Variants in CELF4 observed in about 807,000 individuals in gnomAD.
CELF4 encodes CUG-BP- and ETR-3-like factor 4.
A neutral mutation model predicts 59.9 loss-of-function variants in CELF4; 18 were observed. The ratio of observed to expected loss-of-function variants is 0.30; its 90% CI spans 0.21 to 0.45. CELF4 has a LOEUF of 0.45. Among genes scored for constraint, CELF4 ranks in the 20% least tolerant of loss-of-function variants. The pLI, the probability that CELF4 is intolerant of heterozygous loss-of-function variation, is 1.00. For missense variants in CELF4, 456 were observed against 689.0 expected (o/e 0.66, Z 3.79); for synonymous variants, 261 against 267.1 (o/e 0.98, Z 0.22).
chr18:37,521,281 C>T (rs963733181), intron 1 of CELF4, among the ~76,000 whole-genome samples: 10 of 152,100 alleles, frequency 6.6e-5, no homozygotes, highest in African/African-American at 1.7e-4. Flanking sequence ...GTTTCAGGCA[C>T]GAACACAAAT....
chr18:37,470,891 A>ATGTGT (rs1491153845), intron 2 of CELF4, among the ~76,000 whole-genome samples: 88 of 25,942 alleles, frequency 3.4e-3, no homozygotes, highest in African/African-American at 0.01. Context: ...TGTGTGTGAC[A>ATGTGT]GAGAGAGAGA....
intron 2 of CELF4, among the ~76,000 whole-genome samples, chr18:37,327,193 A>G (rs1318150013): frequency 3.3e-5 from 5 of 152,000 alleles, no homozygotes; most frequent in African/African-American, 4.8e-5. Context: ...CTCCTCTTGC[A>G]TCTGGTTCTG....
At chr18:37,348,537 A>G (rs1002491880) in intron 2 of CELF4, among the ~76,000 whole-genome samples, 2 of 151,576 alleles carry the variant, frequency 1.3e-5, no homozygotes, top group Non-Finnish European at 2.9e-5. Context: ...GGGATCTTCC[A>G]TTTTCTATCT....
chr18:37,468,769 GGA>G (rs772782205), intron 2 of CELF4, among the ~76,000 whole-genome samples: 16 of 152,064 alleles, frequency 1.1e-4, no homozygotes, highest in Non-Finnish European at 2.1e-4. Flanking sequence ...TGGCAGCAGG[GGA>G]GAGAGAGCGA....
intron 2 of CELF4, among the ~76,000 whole-genome samples, chr18:37,420,140 C>T (rs1265266291): frequency 6.6e-6 from 1 of 152,144 alleles, no homozygotes; most frequent in Non-Finnish European, 1.5e-5. Flanking sequence ...GAACCTTGAC[C>T]CTCAAAATAG....
At chr18:37,475,537 G>T (rs2099846385) in intron 2 of CELF4, among the ~76,000 whole-genome samples, 1 of 152,220 alleles carries the variant, frequency 6.6e-6, no homozygotes, top group African/African-American at 2.4e-5. Flanking sequence ...CACAGAGGAA[G>T]GGAGCTTGGG....
At position 37,243,193 on chromosome 18, in the gene CELF4, T is replaced by C. The variant is rs1029785871; in HGVS notation, c.*2049A>G. On this transcript the variant is annotated 3_prime_UTR_variant, in exon 13 of 13. Coordinates refer to ENST00000420428, the MANE Select transcript of CELF4 (RefSeq NM_020180.4). Reference sequence around the variant, plus strand: ...TTTTTTTTTTCTTTTTTTCTTTTTTTTTTTTTTTTTTTTACATCTGGACAT... The same window carrying C: ...TTTTTTTTTTCTTTTTTTCTTTTTTCTTTTTTTTTTTTTACATCTGGACAT... The C allele has an allele frequency of 4.1e-5, 6 of 147,456 alleles. No individual in the cohort carries two copies. Among genetic ancestry groups the C allele is most frequent in the Non-Finnish European group, 6.0e-5 (4 of 66,824 alleles). The allele number at this position is 147,456 out of a possible 1,614,324, so 9.1% of individuals were successfully genotyped here.
chr18:37,434,236 C>A (rs897732165), intron 2 of CELF4, among the ~76,000 whole-genome samples: 1 of 152,156 alleles, frequency 6.6e-6, no homozygotes, highest in Non-Finnish European at 1.5e-5. Flanking sequence ...GATTAGCTGC[C>A]CAATGAGGAG....
chr18:37,392,818 C>T (rs917661734), intron 2 of CELF4, among the ~76,000 whole-genome samples: 3 of 152,214 alleles, frequency 2.0e-5, no homozygotes, highest in Non-Finnish European at 4.4e-5. Context: ...TAGGGGCTTC[C>T]CTGACACCAC....
intron 1 of CELF4, among the ~76,000 whole-genome samples, chr18:37,493,132 A>G (rs1334995287): frequency 6.6e-6 from 1 of 152,174 alleles, no homozygotes; most frequent in African/African-American, 2.4e-5. Flanking sequence ...CCCACATAAT[A>G]AATTTCTGAC....
At chr18:37,504,473 AG>A (rs1331203585) in intron 1 of CELF4, among the ~76,000 whole-genome samples, 1 of 147,686 alleles carries the variant, frequency 6.8e-6, no homozygotes, top group Non-Finnish European at 1.5e-5. Flanking sequence ...AAAAAAAAAA[AG>A]GATGGGGCTT....
At chr18:37,380,792 AATCCATCCATCC>A (rs56181705) in intron 2 of CELF4, among the ~76,000 whole-genome samples, 14 of 134,758 alleles carry the variant, frequency 1.0e-4, no homozygotes, top group Admixed American at 2.9e-4. Flanking sequence ...TTTCTCCATG[AATCCATCCATCC>A]ATCCATCCAT....
intron 2 of CELF4, among the ~76,000 whole-genome samples, chr18:37,375,771 A>G (rs372311941): frequency 9.5e-4 from 144 of 151,740 alleles, no homozygotes; most frequent in African/African-American, 2.9e-3. Flanking sequence ...CCTACAGCCA[A>G]CTCCTTTAGG....
intron 1 of CELF4, among the ~76,000 whole-genome samples, chr18:37,561,272 G>C (rs2099986451): frequency 6.6e-6 from 1 of 152,188 alleles, no homozygotes; most frequent in South Asian, 2.1e-4. Flanking sequence ...GATCTGTTCT[G>C]ACTGGATAAC....
intron 2 of CELF4, among the ~76,000 whole-genome samples, chr18:37,427,038 G>GT (rs1491177075): frequency 1.7e-4 from 2 of 12,020 alleles, no homozygotes; most frequent in Non-Finnish European, 5.0e-4. Context: ...GCAGGGACAC[G>GT]GGGGGGGGGG....
intron 2 of CELF4, among the ~76,000 whole-genome samples, chr18:37,365,724 G>C (rs1304013970): frequency 2.0e-5 from 3 of 152,074 alleles, no homozygotes; most frequent in Non-Finnish European, 2.9e-5. Flanking sequence ...GACCTCAGGT[G>C]ATCCGCCCGC....
chr18:37,354,991 G>T (rs1375460234), intron 2 of CELF4, among the ~76,000 whole-genome samples: 1 of 152,218 alleles, frequency 6.6e-6, no homozygotes, highest in Non-Finnish European at 1.5e-5. Context: ...TGAGAGCAGG[G>T]CTCTGAGGGT....
rs1229773850 is a variant in CELF4, at chr18:37,504,772, C to T, written c.287-19165G>A. Among the ~76,000 whole-genome samples the T allele has an allele frequency of 3.9e-5, 6 of 152,156 alleles. No homozygotes were observed. In the East Asian group the frequency reaches 5.8e-4, roughly 15 times the overall value. ...CACTGGCTCTATTTTCATTTTTTGG[C>T]GTGTCTGTGAGAAATATGGAGATCC... On this transcript the variant is annotated intron_variant, in intron 1 of 12. Transcript: ENST00000420428.
chr18:37,381,268 A>C (rs1188820628), intron 2 of CELF4, among the ~76,000 whole-genome samples: 1 of 152,218 alleles, frequency 6.6e-6, no homozygotes, highest in African/African-American at 2.4e-5. Context: ...GGTAGGAGTA[A>C]AGAATGTAAG....
Sources: allele counts gnomAD v4.1 joint callset (sites outside exome capture counted in the v4.1 genomes callset), GRCh38; gene constraint gnomAD v4.1.1; transcripts MANE v1.5; gene names NCBI Gene and HGNC (gene_info 2026-07-23, HGNC 2026-07-21).